ELAVL2: variants seen among roughly 807,000 people sequenced by gnomAD.
ELAVL2 encodes the protein ELAV like RNA binding protein 2.
In ELAVL2, 4 loss-of-function variants were observed where a neutral mutation model predicts 34.6. That is an observed-to-expected ratio of 0.12 (90% CI 0.06 to 0.26). The LOEUF is 0.26. Among genes scored for constraint, ELAVL2 ranks in the 10% least tolerant of loss-of-function variants. ELAVL2 has a pLI of 1.00. For missense variants in ELAVL2, 432 were observed against 442.8 expected (o/e 0.98, Z 0.22); for synonymous variants, 193 against 154.8 (o/e 1.25, Z -1.83).
chr9:23,839,856 A>G, the ELAVL2 span, among the ~76,000 whole-genome samples: 1 of 152,164 alleles, frequency 6.6e-6, no homozygotes, highest in Non-Finnish European at 1.5e-5. Flanking sequence ...CTTCTTTCAC[A>G]TGAATATAGT....
chr9:23,768,658 C>A (rs928849797), intron 1 of ELAVL2, among the ~76,000 whole-genome samples: 1 of 152,110 alleles, frequency 6.6e-6, no homozygotes, highest in Non-Finnish European at 1.5e-5. Context: ...AAACCATCTA[C>A]CTTTGTGAAA....
chr9:23,706,500 T>A (rs2039367238), intron 3 of ELAVL2, among the ~76,000 whole-genome samples: 1 of 152,178 alleles, frequency 6.6e-6, no homozygotes, highest in South Asian at 2.1e-4. Context: ...GATGACTCTC[T>A]GCCTATAACC....
intron 2 of ELAVL2, among the ~76,000 whole-genome samples, chr9:23,743,306 A>T (rs2049723483): frequency 6.6e-6 from 1 of 152,232 alleles, no homozygotes; most frequent in South Asian, 2.1e-4. Context: ...TACGATTGCC[A>T]CATTCATATC....
At chr9:23,762,398 A>G (rs932384938) in intron 1 of ELAVL2, 149 bp from the exon 2 acceptor site, 12 of 971,460 alleles carry the variant, frequency 1.2e-5, no homozygotes, top group African/African-American at 4.9e-5. Context: ...TACCTACACT[A>G]ATTTTCACTT....
chr9:23,821,073 G>T (rs1264942531), intron 1 of ELAVL2, among the ~76,000 whole-genome samples: 1 of 152,218 alleles, frequency 6.6e-6, no homozygotes, highest in Non-Finnish European at 1.5e-5. Flanking sequence ...AGGCGCCGTA[G>T]CAAGTGGGCA....
chr9:23,709,593 G>A lies in ELAVL2; in HGVS notation c.334-4522C>T, dbSNP rs890201817. The stretch of plus-strand genomic sequence containing the variant: ...CTCCCTTGAAGGCCCAAAAGAGTTC[G>A]CTTTAAATGACAAATTCTATTTAGA... On this transcript the variant is annotated intron_variant, in intron 3 of 6. Transcript: ENST00000397312. 3.3e-5 allele frequency among the ~76,000 whole-genome samples: 5 copies of A among 152,106 alleles called. No individual in the cohort carries two copies. The East Asian group carries it at 5.8e-4, about 18-fold the overall frequency.
intron 1 of ELAVL2, among the ~76,000 whole-genome samples, chr9:23,799,443 C>T (rs1006160159): frequency 6.6e-5 from 10 of 152,168 alleles, no homozygotes; most frequent in African/African-American, 2.4e-4. Flanking sequence ...GATGTCCCTC[C>T]ATAAAAAACA....
chr9:23,693,079 T>C (rs1011629847), intron 6 of ELAVL2, among the ~76,000 whole-genome samples, 195 bp from the exon 7 acceptor site: 3 of 152,222 alleles, frequency 2.0e-5, no homozygotes, highest in African/African-American at 7.2e-5. Context: ...TACTGAGATA[T>C]TAATAAGTTA....
chr9:23,757,099 C>T (rs921431400), intron 2 of ELAVL2, among the ~76,000 whole-genome samples: 8 of 152,026 alleles, frequency 5.3e-5, no homozygotes, highest in Admixed American at 1.3e-4. Flanking sequence ...TGGGTACCAC[C>T]GGGCTAGAAT....
At chr9:23,809,967 G>A (rs558131597) in intron 1 of ELAVL2, among the ~76,000 whole-genome samples, 1 of 152,176 alleles carries the variant, frequency 6.6e-6, no homozygotes, top group Admixed American at 6.5e-5. Flanking sequence ...TTGAACACTT[G>A]ACCTGCCATT....
chr9:23,796,497 G>A (rs1194376847), intron 1 of ELAVL2, among the ~76,000 whole-genome samples: 1 of 152,178 alleles, frequency 6.6e-6, no homozygotes, highest in South Asian at 2.1e-4. Context: ...GCAAAATACT[G>A]CCAAAAGGCA....
At chr9:23,731,177 G>A in intron 2 of ELAVL2, 52 bp from the exon 3 acceptor site, 2 of 1,503,594 alleles carry the variant, frequency 1.3e-6, no homozygotes, top group Non-Finnish European at 9.0e-7. Context: ...ACTGTTGACA[G>A]AGATCAACTT....
chr9:23,739,077 T>C (rs2048542141), intron 2 of ELAVL2, among the ~76,000 whole-genome samples: 1 of 152,040 alleles, frequency 6.6e-6, no homozygotes, highest in Non-Finnish European at 1.5e-5. Context: ...TCTAAATTCT[T>C]GCCAAGTATT....
At chr9:23,714,739 T>C (rs1359742795) in intron 3 of ELAVL2, among the ~76,000 whole-genome samples, 1 of 152,192 alleles carries the variant, frequency 6.6e-6, no homozygotes, top group Non-Finnish European at 1.5e-5. Context: ...GGTATGTTTC[T>C]GCATGTGAAA....
intron 3 of ELAVL2, among the ~76,000 whole-genome samples, chr9:23,730,711 G>A (rs1053759055): frequency 1.3e-5 from 2 of 152,046 alleles, no homozygotes; most frequent in Non-Finnish European, 2.9e-5. Flanking sequence ...AGAAGAACAA[G>A]TCTAAGGTTT....
At chr9:23,788,052 C>A (rs2059907939) in intron 1 of ELAVL2, among the ~76,000 whole-genome samples, 1 of 152,126 alleles carries the variant, frequency 6.6e-6, no homozygotes, top group African/African-American at 2.4e-5. Context: ...GAATGAACTA[C>A]AGGTTAGAAA....
intron 3 of ELAVL2, among the ~76,000 whole-genome samples, chr9:23,712,091 G>A (rs1475474843): frequency 2.0e-5 from 3 of 152,104 alleles, no homozygotes; most frequent in African/African-American, 7.2e-5. Context: ...TGTGGGGCGG[G>A]GGGAGTCTTA....
At chr9:23,838,663 A>C in the ELAVL2 span, among the ~76,000 whole-genome samples, 1 of 152,140 alleles carries the variant, frequency 6.6e-6, no homozygotes, top group African/African-American at 2.4e-5. Flanking sequence ...ATGGCCAAGG[A>C]ATGTTCTTCT....
chr9:23,808,361 A>G (rs1312365017), intron 1 of ELAVL2, among the ~76,000 whole-genome samples: 2 of 152,158 alleles, frequency 1.3e-5, no homozygotes, highest in African/African-American at 2.4e-5. Context: ...ATTCACTACT[A>G]TAGTCTTAAT....
Sources: gnomAD v4.1 joint callset for allele counts (sites outside exome capture counted in the v4.1 genomes callset) on GRCh38, gnomAD v4.1.1 for gene constraint, MANE v1.5 for transcripts, NCBI Gene and HGNC (gene_info 2026-07-23, HGNC 2026-07-21) for gene names.